RPGR: variants seen among roughly 807,000 people sequenced by gnomAD.
RPGR encodes the protein X-linked retinitis pigmentosa GTPase regulator.
Under a neutral mutation model 56.3 loss-of-function variants are expected in RPGR, and 10 were observed. That is an observed-to-expected ratio of 0.18 (90% CI 0.11 to 0.30). RPGR has a LOEUF of 0.30. Ranked by LOEUF, RPGR falls within the 10% of genes least tolerant of loss-of-function variation. The pLI, the probability that RPGR is intolerant of heterozygous loss-of-function variation, is 1.00. For synonymous variants in RPGR, 197 were observed against 212.9 expected (o/e 0.93, Z 0.65); for missense variants, 538 against 590.9 (o/e 0.91, Z 0.93).
intron 15 of RPGR, among the ~76,000 whole-genome samples, chrX:38,277,456 T>C (rs1172902080): frequency 1.8e-5 from 2 of 110,912 alleles, no homozygotes; most frequent in African/African-American, 6.5e-5. Flanking sequence ...TCAGCCTTTA[T>C]TCTACACTGA....
intron 15 of RPGR, among the ~76,000 whole-genome samples, chrX:38,277,967 G>A (rs1194065649): frequency 1.8e-5 from 2 of 111,939 alleles, no homozygotes; most frequent in African/African-American, 6.5e-5. Flanking sequence ...GCAAAGGCGT[G>A]GCCTAATAGC....
chrX:38,294,171 T>G (rs2067338202), intron 11 of RPGR, among the ~76,000 whole-genome samples: 2 of 111,623 alleles, frequency 1.8e-5, no homozygotes, highest in African/African-American at 6.5e-5. Flanking sequence ...TATTTTCCCT[T>G]GATCTTTGAG....
Position 38,287,992 on chromosome X carries a change from T to G in RPGR, c.1622A>C (p.Asn541Thr). ...TTCTTCATATTCATCACTATCATCG[T>G]TTTCAGTAAGAGCTGTATCCTGCGT... Residue 541 changes from asparagine (N) to threonine (T), a missense_variant, in exon 14 of 19, where the codon AAC becomes ACC. Physicochemically the swap from Asn to Thr is moderately conservative, Grantham distance 65. Transcript: ENST00000642395. 1 of 1,211,137 alleles carries G rather than the reference T, an allele frequency of 8.3e-7. No individual in the cohort carries two copies. The highest frequency in any genetic ancestry group is 1.1e-6 in the Non-Finnish European group (1 of 894,935).
intron 6 of RPGR, 82 bp downstream of exon 6, chrX:38,317,234 C>G: frequency 1.0e-6 from 1 of 990,558 alleles, no homozygotes; most frequent in Non-Finnish European, 1.4e-6. Context: ...TTCTATAGAA[C>G]CAGAGACTAT....
At chrX:38,321,206 A>C in intron 3 of RPGR, 117 bp from the exon 4 acceptor site, 1 of 580,687 alleles carries the variant, frequency 1.7e-6, no homozygotes, top group South Asian at 2.5e-5. Flanking sequence ...TCTGATTCCA[A>C]AGTCAATGTT....
chrX:38,276,469 C>A, intron 16 of RPGR: 1 of 692,117 alleles, frequency 1.4e-6, no homozygotes, highest in South Asian at 2.3e-5. Context: ...TTCATGTATT[C>A]ATGTATTCAT....
In RPGR at chrX:38,274,599, G is replaced by A. The variant is rs764022940; in HGVS notation, c.2149+490C>T. On this transcript the variant is annotated intron_variant, in intron 17 of 18. Coordinates refer to ENST00000642395, the MANE Select transcript of RPGR (RefSeq NM_000328.3). ...GGAGGCCGAGGCGGGAGGATCACCT[G>A]AGGTCAGGAGTTTGAGACTCGCCTG... is the stretch of plus-strand genomic sequence containing the variant. 7.1e-5 allele frequency among the ~76,000 whole-genome samples: 8 copies of A among 112,256 alleles called. No individual in the cohort carries two copies. The East Asian group carries it at 1.4e-3, about 20-fold the overall frequency.
At chrX:38,319,523 A>T (rs751682982) in intron 4 of RPGR, among the ~76,000 whole-genome samples, 2 of 112,041 alleles carry the variant, frequency 1.8e-5, no homozygotes, top group Non-Finnish European at 3.8e-5. Flanking sequence ...CCAGAGCCAG[A>T]CTGCTTGGGT....
intron 8 of RPGR, chrX:38,303,731 C>A (rs765762662): frequency 3.4e-6 from 1 of 295,580 alleles, no homozygotes; most frequent in South Asian, 2.0e-4. Flanking sequence ...AACAGTATAT[C>A]TTGCATTTGC....
chrX:38,296,501 T>C (rs773301778), intron 11 of RPGR, among the ~76,000 whole-genome samples: 3 of 111,330 alleles, frequency 2.7e-5, no homozygotes, highest in Admixed American at 9.6e-5. Context: ...AGAATAGGTA[T>C]AGAATAGTGA....
At chrX:38,292,043 C>T (rs1197518949) in intron 11 of RPGR, among the ~76,000 whole-genome samples, 5 of 110,795 alleles carry the variant, frequency 4.5e-5, no homozygotes, top group Non-Finnish European at 9.4e-5. Flanking sequence ...TAATCACTTG[C>T]TCTGTAGGAG....
chrX:38,323,612 C>T (rs1266581362), intron 1 of RPGR, 88 bp from the exon 2 acceptor site: 3 of 1,023,024 alleles, frequency 2.9e-6, no homozygotes, highest in Non-Finnish European at 2.7e-6. Flanking sequence ...CCATACAAAC[C>T]CCTTGTCTCA....
rs745860528 is a variant in RPGR, at chrX:38,318,850, T to C, written c.448A>G (p.Asn150Asp). The C allele has an allele frequency of 2.5e-6, 3 of 1,210,225 alleles. No individual in the cohort carries two copies. The highest frequency in any genetic ancestry group is 3.5e-5 in the African/African-American group (2 of 57,343). ...TCACCAGTTAGGGCAGCTGAAGTATTAGATCCAGCAGACAGCTGCTTAATC... is the reference window on the plus strand; with the variant it reads ...TCACCAGTTAGGGCAGCTGAAGTATCAGATCCAGCAGACAGCTGCTTAATC... Residue 150 changes from asparagine to aspartate, a missense_variant, in exon 5 of 19, where the codon AAT (asparagine) becomes GAT (aspartate). Physicochemically the swap from Asn to Asp is conservative, Grantham distance 23. Transcript: ENST00000642395.
intron 13 of RPGR, among the ~76,000 whole-genome samples, chrX:38,289,423 C>T (rs2067246260): frequency 8.9e-6 from 1 of 111,821 alleles, no homozygotes; most frequent in South Asian, 3.7e-4. Flanking sequence ...AATACATTAA[C>T]AATACAAAAT....
chrX:38,299,554 C>G (rs764792462), intron 9 of RPGR, among the ~76,000 whole-genome samples: 1 of 111,183 alleles, frequency 9.0e-6, no homozygotes, highest in Non-Finnish European at 1.9e-5. Flanking sequence ...AAGTATAAAT[C>G]AGTCTCTTGA....
At chrX:38,291,508 G>A (rs1283463963) in intron 11 of RPGR, 24 bp from the exon 12 acceptor site, 20 of 913,516 alleles carry the variant, frequency 2.2e-5, no homozygotes, top group Non-Finnish European at 2.9e-5. Context: ...TGGGAAAAAG[G>A]AAATCCAGAT....
chrX:38,321,781 C>T (rs1306279118), intron 3 of RPGR, among the ~76,000 whole-genome samples: 3 of 111,721 alleles, frequency 2.7e-5, no homozygotes, highest in African/African-American at 9.8e-5. Flanking sequence ...TTATCAAGCT[C>T]ACCTTCTACC....
intron 11 of RPGR, 74 bp downstream of exon 11, chrX:38,297,210 C>G (rs1263888986): frequency 9.5e-7 from 1 of 1,051,962 alleles, no homozygotes; most frequent in Non-Finnish European, 1.3e-6. Context: ...GAGAAAACAT[C>G]TTAAGATAAA....
At chrX:38,293,942 C>T (rs773568249) in intron 11 of RPGR, among the ~76,000 whole-genome samples, 1 of 111,449 alleles carries the variant, frequency 9.0e-6, no homozygotes, top group East Asian at 2.8e-4. Context: ...ATTGAGCCCA[C>T]ATCCCCCTCT....
Sources: gnomAD v4.1 joint callset for allele counts (sites outside exome capture counted in the v4.1 genomes callset) on GRCh38, gnomAD v4.1.1 for gene constraint, MANE v1.5 for transcripts, NCBI Gene and HGNC (gene_info 2026-07-23, HGNC 2026-07-21) for gene names.